Variants in HECW2 observed in about 807,000 individuals in gnomAD.
HECW2 encodes the protein E3 ubiquitin-protein ligase HECW2.
In HECW2, 61 loss-of-function variants were observed where a neutral mutation model predicts 175.2. That is an observed-to-expected ratio of 0.35 (90% CI 0.28 to 0.43). The LOEUF (loss-of-function observed/expected upper bound fraction) is 0.43. Among genes scored for constraint, HECW2 ranks in the 20% least tolerant of loss-of-function variants. The pLI, the probability that HECW2 is intolerant of heterozygous loss-of-function variation, is 1.00. For missense variants in HECW2, 1,524 were observed against 2,000.5 expected (o/e 0.76, Z 4.54); for synonymous variants, 671 against 731.0 (o/e 0.92, Z 1.32).
At chr2:196,293,817 C>G (rs1422970227) in intron 13 of HECW2, among the ~76,000 whole-genome samples, 1 of 152,172 alleles carries the variant, frequency 6.6e-6, no homozygotes, top group Admixed American at 6.5e-5. Flanking sequence ...AACTAGTATA[C>G]ACTTAAGGGC....
At chr2:196,459,268 G>A (rs1696641412) in intron 1 of HECW2, among the ~76,000 whole-genome samples, 1 of 152,174 alleles carries the variant, frequency 6.6e-6, no homozygotes, top group Admixed American at 6.5e-5. Context: ...GCTGAAGAGA[G>A]ATGGGAGATG....
chr2:196,285,178 T>TA (rs1187808548), intron 14 of HECW2, among the ~76,000 whole-genome samples: 1 of 152,146 alleles, frequency 6.6e-6, no homozygotes, highest in African/African-American at 2.4e-5. Flanking sequence ...TTTCTTTTTT[T>TA]AAAAAAACTT....
chr2:196,329,368 A>T (rs1197333163), intron 5 of HECW2, among the ~76,000 whole-genome samples: 2 of 152,162 alleles, frequency 1.3e-5, no homozygotes, highest in Non-Finnish European at 2.9e-5. Context: ...TCGCCAGAAA[A>T]CTTGGTAGAA....
intron 1 of HECW2, among the ~76,000 whole-genome samples, chr2:196,525,669 C>T (rs1379017432): frequency 4.0e-5 from 6 of 150,210 alleles, no homozygotes; most frequent in African/African-American, 1.2e-4. Context: ...TTAGGGCAGG[C>T]CTGGTGGTGA....
At chr2:196,312,373 A>G (rs370440962) in intron 10 of HECW2, among the ~76,000 whole-genome samples, 4 of 152,364 alleles carry the variant, frequency 2.6e-5, no homozygotes, top group African/African-American at 9.6e-5. Flanking sequence ...AGGTATCATC[A>G]CCAAAATGGC....
At chr2:196,283,569 C>T (rs747332233) in intron 14 of HECW2, among the ~76,000 whole-genome samples, 120 of 152,006 alleles carry the variant, frequency 7.9e-4, no homozygotes, top group Middle Eastern at 3.4e-3. Flanking sequence ...TTAATAGAGA[C>T]GGGGTTTCAT....
rs577952606 is a variant in HECW2, at chr2:196,376,831, G to A, written c.293-33067C>T. Among the ~76,000 whole-genome samples the A allele has an allele frequency of 2.6e-5, 4 of 151,194 alleles. No individual in the cohort carries two copies. The South Asian group carries it at 8.4e-4, about 32-fold the overall frequency. ...CACCTGTAATCCCAGCTACTCAAGA[G>A]GCTGAGATAGGAGAATCTCGAACCC... is the stretch of plus-strand genomic sequence containing the variant. On this transcript the variant is annotated intron_variant, in intron 2 of 28. Transcript: ENST00000644978.
intron 1 of HECW2, among the ~76,000 whole-genome samples, chr2:196,557,326 C>T (rs1296668257): frequency 1.3e-5 from 2 of 150,950 alleles, no homozygotes; most frequent in East Asian, 1.9e-4. Context: ...ACCTGGGGGG[C>T]GGAGGCTGCA....
chr2:196,406,894 A>AT (rs1281880389), intron 2 of HECW2, among the ~76,000 whole-genome samples: 1 of 152,170 alleles, frequency 6.6e-6, no homozygotes. Context: ...TTCCTGTTGC[A>AT]TTACACTGTT....
At chr2:196,498,067 GA>G (rs909728910) in intron 1 of HECW2, among the ~76,000 whole-genome samples, 1 of 152,140 alleles carries the variant, frequency 6.6e-6, no homozygotes, top group Non-Finnish European at 1.5e-5. Flanking sequence ...TCTGCCTTTT[GA>G]GAGTTGATTT....
rs189621983 is a variant in HECW2, at chr2:196,296,446, T to C, written c.2815-3696A>G. ...CAGGCTATAAGTAAGTAAAAATATATAGGGGATTACATCTATCATACCTGT... is the reference window on the plus strand; with the variant it reads ...CAGGCTATAAGTAAGTAAAAATATACAGGGGATTACATCTATCATACCTGT... On this transcript the variant is annotated intron_variant, in intron 13 of 28. Coordinates refer to ENST00000644978, the MANE Select transcript of HECW2 (RefSeq NM_001348768.2). Among the ~76,000 whole-genome samples the C allele has an allele frequency of 3.9e-3, 593 of 152,246 alleles. 7 individuals are homozygous for C. Among genetic ancestry groups the C allele is most frequent in the African/African-American group, 0.014 (567 of 41,550 alleles).
At chr2:196,342,969 T>TTATA (rs3082073) in intron 3 of HECW2, among the ~76,000 whole-genome samples, 2 of 151,058 alleles carry the variant, frequency 1.3e-5, no homozygotes, top group African/African-American at 4.8e-5. Flanking sequence ...TACCATACAT[T>TTATA]ATGTATATGT....
chr2:196,429,195 A>G (rs964252352), intron 2 of HECW2, among the ~76,000 whole-genome samples: 6 of 152,012 alleles, frequency 3.9e-5, no homozygotes, highest in Admixed American at 2.0e-4. Context: ...CTTCTAGACT[A>G]CTCAATGTTT....
At chr2:196,354,152 T>C (rs981673902) in intron 2 of HECW2, among the ~76,000 whole-genome samples, 3 of 152,056 alleles carry the variant, frequency 2.0e-5, no homozygotes, top group Admixed American at 1.3e-4. Flanking sequence ...CAGGCCAGAG[T>C]GGGGCTAGGA....
intron 2 of HECW2, among the ~76,000 whole-genome samples, chr2:196,391,191 G>A (rs6710173): frequency 1.3e-5 from 2 of 151,908 alleles, no homozygotes; most frequent in Non-Finnish European, 2.9e-5. Flanking sequence ...CTTCTACCAG[G>A]TGACCCCTCA....
chr2:196,217,455 T>C (rs1687517351), intron 26 of HECW2: 1 of 185,722 alleles, frequency 5.4e-6, no homozygotes, highest in African/African-American at 2.4e-5. Context: ...AATTTTCAAA[T>C]ACCTCTATGC....
intron 2 of HECW2, among the ~76,000 whole-genome samples, chr2:196,348,565 T>C (rs1340950447): frequency 1.3e-5 from 2 of 152,116 alleles, no homozygotes; most frequent in Non-Finnish European, 2.9e-5. Flanking sequence ...GGGGTGTCCC[T>C]TGAGCCCAGG....
intron 21 of HECW2, among the ~76,000 whole-genome samples, chr2:196,235,953 G>A (rs938869159): frequency 1.3e-5 from 2 of 152,104 alleles, no homozygotes; most frequent in South Asian, 2.1e-4. Context: ...CACTGTGCCC[G>A]GCCGATGCGT....
intron 2 of HECW2, among the ~76,000 whole-genome samples, chr2:196,358,094 G>T (rs1693445482): frequency 6.6e-6 from 1 of 152,140 alleles, no homozygotes; most frequent in South Asian, 2.1e-4. Flanking sequence ...GCTGATTTGG[G>T]TTTAAATTCC....
Sources: gnomAD v4.1 joint callset for allele counts (sites outside exome capture counted in the v4.1 genomes callset) on GRCh38, gnomAD v4.1.1 for gene constraint, MANE v1.5 for transcripts, NCBI Gene and HGNC (gene_info 2026-07-23, HGNC 2026-07-21) for gene names.